SCN7A: variants seen among roughly 807,000 people sequenced by gnomAD.
SCN7A encodes sodium channel protein type 7 subunit alpha.
In SCN7A, 138 loss-of-function variants were observed where a neutral mutation model predicts 155.2. The ratio of observed to expected loss-of-function variants is 0.89; its 90% CI spans 0.77 to 1.02. The LOEUF is 1.02. Ranked by LOEUF, SCN7A falls within the 50% of genes least tolerant of loss-of-function variation. The probability of loss-of-function intolerance (pLI) is 0.00; values close to 1 mark genes in which losing one functional copy is unlikely to be tolerated. For synonymous variants in SCN7A, 693 were observed against 649.0 expected, an observed-to-expected ratio of 1.07 and a Z score of -1.03; for missense variants, 2,058 against 1,986.6, an observed-to-expected ratio of 1.04 and a Z score of -0.68.
At position 166,406,033 on chromosome 2, in the gene SCN7A, GT is replaced by G; in HGVS notation, c.4595del (p.Tyr1532SerfsTer2). On this transcript the variant is annotated frameshift_variant, in exon 26 of 26. Coordinates refer to ENST00000643258, the MANE Select transcript of SCN7A (RefSeq NM_002976.4). LOFTEE classifies it high-confidence loss of function. ...WKRFDPDRTQ[Y>X]IDSSKLSDFA... ...AATCTGAAAGCTTGCTAGAGTCTAT[GT>G]ACTGGGTCCTATCAGGATCAAACCT... 2.5e-6 allele frequency: 4 copies of G among 1,612,938 alleles called. No individual in the cohort carries two copies. Among genetic ancestry groups the G allele is most frequent in the Non-Finnish European group, 3.4e-6 (4 of 1,179,374 alleles).
At chr2:166,438,119 C>T (rs1701877460) in intron 15 of SCN7A, among the ~76,000 whole-genome samples, 1 of 152,106 alleles carries the variant, frequency 6.6e-6, no homozygotes, top group African/African-American at 2.4e-5. Context: ...TTGTAGTTTC[C>T]ATAATCCTCA....
chr2:166,471,918 C>A (rs946819648), intron 6 of SCN7A, among the ~76,000 whole-genome samples: 2 of 151,888 alleles, frequency 1.3e-5, no homozygotes, highest in African/African-American at 2.4e-5. Context: ...CAATCTTTAT[C>A]GTTCTTGCTC....
intron 7 of SCN7A, among the ~76,000 whole-genome samples, chr2:166,469,252 C>A (rs1702601829): frequency 6.6e-6 from 1 of 151,162 alleles, no homozygotes; most frequent in Non-Finnish European, 1.5e-5. Context: ...TACAAGTGTG[C>A]TTGTTTGATG....
intron 10 of SCN7A, among the ~76,000 whole-genome samples, chr2:166,459,106 A>G (rs1404012622): frequency 3.3e-5 from 5 of 152,130 alleles, no homozygotes; most frequent in Non-Finnish European, 7.4e-5. Flanking sequence ...ACTATACTTT[A>G]TGCTTATTAT....
chr2:166,450,772 G>A (rs753064178), intron 11 of SCN7A, among the ~76,000 whole-genome samples: 1 of 152,054 alleles, frequency 6.6e-6, no homozygotes, highest in Non-Finnish European at 1.5e-5. Context: ...CCAGCCTGGC[G>A]ACAGAGTGAG....
intron 6 of SCN7A, among the ~76,000 whole-genome samples, chr2:166,471,150 T>C (rs1319478780): frequency 6.6e-6 from 1 of 151,862 alleles, no homozygotes; most frequent in East Asian, 1.9e-4. Flanking sequence ...ATGAGGATGA[T>C]GGTGATGAAG....
chr2:166,440,004 G>C (rs758306238), intron 15 of SCN7A, among the ~76,000 whole-genome samples: 4 of 152,070 alleles, frequency 2.6e-5, no homozygotes, highest in Non-Finnish European at 4.4e-5. Flanking sequence ...TTGTATTCCT[G>C]TAAGAATCAT....
At chr2:166,407,766 A>G (rs180813918) in intron 25 of SCN7A, among the ~76,000 whole-genome samples, 1 of 151,758 alleles carries the variant, frequency 6.6e-6, no homozygotes, top group Non-Finnish European at 1.5e-5. Context: ...TCTAAAAAAA[A>G]CCCACCAGGA....
At chr2:166,447,064 TA>T (rs1559109100) in intron 12 of SCN7A, among the ~76,000 whole-genome samples, 1 of 151,962 alleles carries the variant, frequency 6.6e-6, no homozygotes, top group African/African-American at 2.4e-5. Context: ...TGTGTGAAAA[TA>T]AAAAAGCTGA....
At chr2:166,438,868 T>A (rs1294103208) in intron 15 of SCN7A, among the ~76,000 whole-genome samples, 2 of 151,730 alleles carry the variant, frequency 1.3e-5, no homozygotes, top group African/African-American at 2.4e-5. Flanking sequence ...ACTCCATTTA[T>A]CCTAGAATCC....
intron 15 of SCN7A, among the ~76,000 whole-genome samples, chr2:166,435,907 A>C (rs1701828896): frequency 6.6e-6 from 1 of 152,148 alleles, no homozygotes; most frequent in African/African-American, 2.4e-5. Context: ...ATGAAATTAA[A>C]ATTTGCTAAC....
rs1683174747 is a variant in SCN7A at position 166,494,066 on chromosome 2, G to A, written c.-226C>T. On this transcript the variant is annotated 5_prime_UTR_variant, in exon 1 of 26. Transcript: ENST00000643258. ...TCCTCCTGGGCTTCTCTTTCTCCAC[G>A]GATCTCTCGGGTTTTCTGAGCTCTA... The A allele has an allele frequency of 6.6e-6, 1 of 152,420 alleles. No individual in the cohort carries two copies. Among genetic ancestry groups the A allele is most frequent in the Admixed American group, 6.5e-5 (1 of 15,272 alleles). 9.4% of individuals were successfully genotyped at this position (152,420 alleles called of 1,614,324 possible).
rs1232283025 is a variant in SCN7A at position 166,460,740 on chromosome 2, C to T, written c.1083+1649G>A. On this transcript the variant is annotated intron_variant, in intron 10 of 25. Coordinates refer to ENST00000643258, the MANE Select transcript of SCN7A (RefSeq NM_002976.4). ...TTATGAGAAAAGCTCATTTAGGAAG[C>T]AGCAAATCCTTTGAATAATTAAACA... is the stretch of plus-strand genomic sequence containing the variant. Among the ~76,000 whole-genome samples, 4 of 152,086 alleles carry T rather than the reference C, an allele frequency of 2.6e-5. No individual in the cohort carries two copies. In the East Asian group the frequency reaches 7.7e-4, roughly 29 times the overall value.
Position 166,409,767 on chromosome 2 carries a change from A to G in SCN7A, c.3880T>C (p.Tyr1294His). 1 of 1,564,396 alleles carries G rather than the reference A, an allele frequency of 6.4e-7. No individual in the cohort carries two copies. Among genetic ancestry groups the G allele is most frequent in the Non-Finnish European group, 8.7e-7 (1 of 1,152,564 alleles). Residue 1294 changes from tyrosine to histidine, a missense_variant, in exon 25 of 26, where the codon TAT becomes CAT. Transcript: ENST00000643258. ...AGCTTCAGTATACATTCCATAGTAT[A>G]TAGCATAACAAAAATTGAGTTAATC... ...YWINSIFVML[Y>H]TMECILKLIA...
chr2:166,455,606 C>A (rs13023734), intron 11 of SCN7A, among the ~76,000 whole-genome samples: 20,915 of 152,016 alleles, frequency 0.14, 1,575 homozygotes, highest in Middle Eastern at 0.16. Context: ...CAAACGCTAC[C>A]TGGGTGATGG....
At chr2:166,412,117 G>A (rs759721590) in intron 23 of SCN7A, among the ~76,000 whole-genome samples, 2 of 152,046 alleles carry the variant, frequency 1.3e-5, no homozygotes, top group Non-Finnish European at 2.9e-5. Context: ...CTAGCAGAAA[G>A]AACTACTCTA....
intron 2 of SCN7A, 94 bp downstream of exon 2, chr2:166,486,762 C>A (rs1050061190): frequency 6.6e-6 from 1 of 152,226 alleles, no homozygotes; most frequent in Non-Finnish European, 1.5e-5. Flanking sequence ...ATAAAGCAAG[C>A]AGACACATCA....
chr2:166,448,314 C>T (rs1702108719), intron 11 of SCN7A, among the ~76,000 whole-genome samples: 1 of 152,174 alleles, frequency 6.6e-6, no homozygotes, highest in Admixed American at 6.6e-5. Flanking sequence ...CTGAATAATA[C>T]TCCATTGTGT....
intron 10 of SCN7A, chr2:166,462,152 TTCTC>T (rs138547688): frequency 2.5e-3 from 862 of 338,826 alleles, no homozygotes; most frequent in East Asian, 3.1e-3. Context: ...CTCTCCTCTC[TTCTC>T]TCTCTCTCTC....
Sources: gnomAD v4.1 joint callset for allele counts (sites outside exome capture counted in the v4.1 genomes callset) on GRCh38, gnomAD v4.1.1 for gene constraint, MANE v1.5 for transcripts, NCBI Gene and HGNC (gene_info 2026-07-23, HGNC 2026-07-21) for gene names.